Variants in ANKRD11 observed in about 807,000 individuals in gnomAD.
ANKRD11 encodes ankyrin repeat domain 11, also known as ankyrin repeat domain-containing protein 11.
Under a neutral mutation model 195.7 loss-of-function variants are expected in ANKRD11, and 17 were observed. That is an observed-to-expected ratio of 0.09 (90% CI 0.06 to 0.13). The LOEUF is 0.13. ANKRD11 is among the 10% of genes least tolerant of loss of function. The pLI is 1.00. For synonymous variants in ANKRD11, 1,953 were observed against 1,528.1 expected (o/e 1.28, Z -6.49); for missense variants, 3,735 against 3,566.1 (o/e 1.05, Z -1.21).
chr16:89,395,124 G>A (rs1014130397), intron 2 of ANKRD11, among the ~76,000 whole-genome samples: 3 of 152,190 alleles, frequency 2.0e-5, no homozygotes, highest in African/African-American at 7.2e-5. Flanking sequence ...ATGAAAGAGG[G>A]CCAAGAACAG....
Position 89,291,554 on chromosome 16 carries a change from T to C in ANKRD11, c.227-371A>G. On this transcript the variant is annotated intron_variant, in intron 4 of 12. Transcript: ENST00000301030. This position sits in a 1 kb window ranked among gnomAD's most constrained non-coding sequence, Gnocchi z 5.3. Reference sequence around the variant, plus strand: ...ACCTGGCTCACACAGGACAGGTCTCTGTTCAATACACGTGTCTGTAATTCA... The same window carrying C: ...ACCTGGCTCACACAGGACAGGTCTCCGTTCAATACACGTGTCTGTAATTCA... 2.7e-6 allele frequency: 2 copies of C among 745,358 alleles called. No individual in the cohort carries two copies. The allele number at this position is 745,358 out of a possible 1,614,324, so 46.2% of individuals were successfully genotyped here. A position where few individuals can be genotyped will look rare whatever the true frequency, so the allele number is the denominator to read the frequency against.
chr16:89,364,375 A>G (rs2039859933), intron 2 of ANKRD11, among the ~76,000 whole-genome samples: 1 of 152,248 alleles, frequency 6.6e-6, no homozygotes, highest in Non-Finnish European at 1.5e-5. Flanking sequence ...GACACCATGT[A>G]TTGTCTTACA....
chr16:89,282,372 G>A lies in ANKRD11; in HGVS notation c.4170C>T (p.Gly1390=). The A allele has an allele frequency of 1.2e-6, 2 of 1,614,116 alleles. No individual in the cohort carries two copies. The highest frequency in any genetic ancestry group is 8.5e-7 in the Non-Finnish European group (1 of 1,180,024). ...CCTCCAGGAAGTCCTTTTCGTACTGGCCGGAGTCCTTCCTGCTACCGCCCT... is the reference window on the plus strand; with the variant it reads ...CCTCCAGGAAGTCCTTTTCGTACTGACCGGAGTCCTTCCTGCTACCGCCCT... The part of the protein sequence containing the change: ...YKEGGSRKDS[G]QYEKDFLEAD... Residue 1390 remains glycine, a synonymous_variant, in exon 9 of 13, where the codon GGC becomes GGT. Transcript: ENST00000301030.
intron 1 of ANKRD11, among the ~76,000 whole-genome samples, chr16:89,441,065 G>C (rs1372748039): frequency 6.6e-6 from 1 of 151,358 alleles, no homozygotes; most frequent in Non-Finnish European, 1.5e-5. Context: ...GTGAAACCCT[G>C]TCTCTACTAA....
chr16:89,416,231 G>A (rs1384553917), intron 2 of ANKRD11, among the ~76,000 whole-genome samples: 2 of 152,070 alleles, frequency 1.3e-5, no homozygotes, highest in African/African-American at 4.8e-5. Flanking sequence ...GCCAATTCCA[G>A]GTCCTGTCAG....
At chr16:89,339,936 C>T (rs1386927118) in intron 2 of ANKRD11, 2 of 152,270 alleles carry the variant, frequency 1.3e-5, no homozygotes, top group Non-Finnish European at 2.9e-5. Flanking sequence ...CGGTTCCTGC[C>T]GTACCTTTTC....
At chr16:89,421,943 C>G (rs1294118178) in intron 1 of ANKRD11, among the ~76,000 whole-genome samples, 1 of 152,106 alleles carries the variant, frequency 6.6e-6, no homozygotes, top group Non-Finnish European at 1.5e-5. Context: ...AGATGATAAC[C>G]CAGGTGCTAA....
chr16:89,435,927 A>C (rs1017147140), intron 1 of ANKRD11, among the ~76,000 whole-genome samples: 5 of 152,062 alleles, frequency 3.3e-5, no homozygotes, highest in African/African-American at 1.2e-4. Context: ...ATCACCTCTA[A>C]ATCACCGCAA....
chr16:89,292,468 A>G (rs1378886611), intron 4 of ANKRD11, among the ~76,000 whole-genome samples: 12 of 152,150 alleles, frequency 7.9e-5, no homozygotes, highest in Non-Finnish European at 1.5e-5. Context: ...GACGCTGCCC[A>G]CCCACTCTAG....
intron 2 of ANKRD11, among the ~76,000 whole-genome samples, chr16:89,339,552 A>G (rs2038556285): frequency 6.6e-6 from 1 of 152,210 alleles, no homozygotes; most frequent in African/African-American, 2.4e-5. Context: ...CGAACCCTCA[A>G]TTTATTTAGA....
In ANKRD11 at chr16:89,305,671, C is replaced by T. The variant is rs62070785; in HGVS notation, c.88-327G>A. On this transcript the variant is annotated intron_variant, in intron 3 of 12. Transcript: ENST00000301030. ...TCACTCCGCAGACACGCGCTACCTC[C>T]CACTCCGCAGACACGCGCCACCTCC... Among the ~76,000 whole-genome samples the T allele has an allele frequency of 0.053, 1,780 of 33,324 alleles. 63 individuals are homozygous for T. The highest frequency in any genetic ancestry group is 0.13 in the African/African-American group (1,147 of 8,846). 21.9% of individuals were successfully genotyped at this position (33,324 alleles called of 152,430 possible).
chr16:89,349,861 AAC>A (rs34592614), intron 2 of ANKRD11, among the ~76,000 whole-genome samples: 14,532 of 132,886 alleles, frequency 0.11, 784 homozygotes, highest in Admixed American at 0.16. Context: ...TACTTGTTAA[AAC>A]ACACACACAC....
At chr16:89,409,168 C>T (rs2042021941) in intron 2 of ANKRD11, among the ~76,000 whole-genome samples, 1 of 152,140 alleles carries the variant, frequency 6.6e-6, no homozygotes, top group Admixed American at 6.5e-5. Context: ...TAGGTGAAGC[C>T]GACGGTCTGA....
Position 89,418,339 on chromosome 16 carries a change from G to GT in ANKRD11, c.-116_-115insA. On this transcript the variant is annotated 5_prime_UTR_variant, in exon 2 of 13. It removes the in-frame stop codon of an upstream open reading frame in the 5' UTR. Transcript: ENST00000301030. ...AGGACTGTCTTTTAAATCCAATGGA[G>GT]GTGTGTCCCAGAGCAGGGCTGTATA... The GT allele has an allele frequency of 4.4e-6, 2 of 453,898 alleles. No homozygotes were observed. Among genetic ancestry groups the GT allele is most frequent in the Non-Finnish European group, 8.8e-6 (2 of 226,640 alleles). 28.1% of individuals were successfully genotyped at this position (453,898 alleles called of 1,614,324 possible). A position where few individuals can be genotyped will look rare whatever the true frequency, so the allele number is the denominator to read the frequency against.
intron 1 of ANKRD11, among the ~76,000 whole-genome samples, chr16:89,480,255 T>A (rs570929222): frequency 6.6e-6 from 1 of 151,950 alleles, no homozygotes; most frequent in Non-Finnish European, 1.5e-5. Flanking sequence ...GGCGGGTGGA[T>A]CACAAGGTCA....
chr16:89,292,872 T>C (rs2035156248), intron 4 of ANKRD11, among the ~76,000 whole-genome samples: 1 of 152,204 alleles, frequency 6.6e-6, no homozygotes, highest in Non-Finnish European at 1.5e-5. Context: ...GCCCCATGCT[T>C]TCCCTGCACC....
At chr16:89,469,005 G>A (rs1362832219) in intron 1 of ANKRD11, among the ~76,000 whole-genome samples, 1 of 152,092 alleles carries the variant, frequency 6.6e-6, no homozygotes, top group Non-Finnish European at 1.5e-5. Context: ...GTAATAGAAG[G>A]GAACTTCCTC....
rs746056099 is a variant in ANKRD11, at chr16:89,282,308, T to C, written c.4234A>G (p.Ile1412Val). Reference protein sequence around the residue: ...YGVSYNMKADIEDELDKTIEL... With the variant: ...YGVSYNMKADVEDELDKTIEL... ...ATGGTTTTATCTAGCTCATCTTCTA[T>C]GTCAGCTTTCATGTTGTAAGAAACT... The change falls in exon 9 of 13, where the codon ATA (isoleucine) becomes GTA (valine). Residue 1412 changes from isoleucine to valine, a missense_variant. Physicochemically the swap from Ile to Val is conservative, Grantham distance 29. Transcript: ENST00000301030. 3 of 1,614,250 alleles carry C rather than the reference T, an allele frequency of 1.9e-6. No individual in the cohort carries two copies. The highest frequency in any genetic ancestry group is 2.5e-6 in the Non-Finnish European group (3 of 1,180,050).
At chr16:89,278,933 G>A (rs1296354322) in intron 9 of ANKRD11, 139 bp downstream of exon 9, 1 of 1,361,830 alleles carries the variant, frequency 7.3e-7, no homozygotes, top group African/African-American at 1.4e-5. Flanking sequence ...AAGTGGGGCT[G>A]TGTCTCCTCA....
Sources: allele counts gnomAD v4.1 joint callset (sites outside exome capture counted in the v4.1 genomes callset), GRCh38; gene constraint gnomAD v4.1.1; non-coding constraint Gnocchi (gnomAD v3.1); transcripts MANE v1.5; gene names NCBI Gene and HGNC (gene_info 2026-07-23, HGNC 2026-07-21).